Variants in KYAT1 observed in about 807,000 individuals in gnomAD.
The protein encoded by KYAT1 is kynurenine--oxoglutarate transaminase 1.
A neutral mutation model predicts 52.4 loss-of-function variants in KYAT1; 47 were observed. The ratio of observed to expected loss-of-function variants is 0.90; its 90% CI spans 0.71 to 1.14. The LOEUF (loss-of-function observed/expected upper bound fraction) is 1.14, where lower values mean the gene tolerates loss of function less well. Ranked by LOEUF, KYAT1 falls within the 50% of genes most tolerant of loss-of-function variation. The pLI is 0.00. For synonymous variants in KYAT1, 212 were observed against 209.6 expected (o/e 1.01, Z -0.10); for missense variants, 480 against 557.9 (o/e 0.86, Z 1.41).
chr9:128,879,093 A>G (rs912719757), intron 1 of KYAT1, among the ~76,000 whole-genome samples: 4 of 152,258 alleles, frequency 2.6e-5, no homozygotes, highest in East Asian at 1.9e-4. Flanking sequence ...GGCGGATCAC[A>G]AGGTCAGGAG....
At position 128,835,362 on chromosome 9, in the gene KYAT1, G is replaced by C. The variant is rs1830858368; in HGVS notation, c.1083C>G (p.Pro361=). 8 of 1,614,016 alleles carry C rather than the reference G, an allele frequency of 5.0e-6. No individual in the cohort carries two copies. The highest frequency in any genetic ancestry group is 1.7e-5 in the Admixed American group (1 of 60,004). ...MPDLPGAVDE[P]YDRRFVKWMI... is the part of the protein sequence containing the mutation. ...TCCACTTGACGAAGCGTCTGTCATA[G>C]GGCTCATCCACAGCTCCAGGCAAGT... The change falls in exon 11 of 13, where the codon CCC becomes CCG. Residue 361 remains proline (P), a synonymous_variant. Transcript: ENST00000302586.
chr9:128,868,349 C>T (rs1366906571), intron 1 of KYAT1, among the ~76,000 whole-genome samples: 7 of 151,698 alleles, frequency 4.6e-5, no homozygotes, highest in South Asian at 2.1e-4. Context: ...TGATTACAGG[C>T]GTGAGCCATC....
intron 12 of KYAT1, 24 bp from the exon 13 acceptor site, chr9:128,833,667 A>C: frequency 6.2e-7 from 1 of 1,614,124 alleles, no homozygotes; most frequent in South Asian, 1.1e-5. Context: ...GATTAGTCCT[A>C]CACTCTCCCC....
chr9:128,845,561 G>GCAGAAACC, intron 1 of KYAT1, 150 bp from the exon 2 acceptor site: 1 of 695,418 alleles, frequency 1.4e-6, no homozygotes, highest in Non-Finnish European at 2.4e-6. Context: ...AGAAGGGCAG[G>GCAGAAACC]TTTCTGCCTG....
rs553436878 is a variant in KYAT1, at chr9:128,869,413, G to A, written c.-7+12484C>T. ...CCTGACCTCATGATCTGCCCGCCTC[G>A]GCCTCCCAAAGTGCTGGGATTACTG... On this transcript the variant is annotated intron_variant, in intron 1 of 12. Coordinates refer to ENST00000302586, the MANE Select transcript of KYAT1 (RefSeq NM_004059.5). Among the ~76,000 whole-genome samples the A allele has an allele frequency of 2.1e-3, 318 of 152,120 alleles. 2 individuals are homozygous for A. The highest frequency in any genetic ancestry group is 3.8e-3 in the Non-Finnish European group (261 of 68,004).
intron 1 of KYAT1, chr9:128,846,926 CT>C: frequency 7.3e-7 from 1 of 1,368,314 alleles, no homozygotes; most frequent in Non-Finnish European, 9.9e-7. Flanking sequence ...TCCCACTGCA[CT>C]CTCACTAGAG....
At chr9:128,842,391 C>T (rs978908729) in intron 3 of KYAT1, among the ~76,000 whole-genome samples, 2 of 152,192 alleles carry the variant, frequency 1.3e-5, no homozygotes, top group African/African-American at 4.8e-5. Flanking sequence ...TTCATTCCCT[C>T]TTTCTTACTC....
At chr9:128,873,442 C>T (rs1837526897) in intron 1 of KYAT1, among the ~76,000 whole-genome samples, 1 of 150,892 alleles carries the variant, frequency 6.6e-6, no homozygotes, top group South Asian at 2.1e-4. Flanking sequence ...CGTTTTCTTT[C>T]GTTATAAAAG....
intron 1 of KYAT1, among the ~76,000 whole-genome samples, chr9:128,872,096 G>A (rs1320888895): frequency 7.1e-6 from 1 of 141,496 alleles, no homozygotes; most frequent in African/African-American, 2.6e-5. Context: ...CCACTGCACG[G>A]CAGCCTGGGC....
chr9:128,850,377 C>G (rs1833792176), intron 1 of KYAT1, among the ~76,000 whole-genome samples: 1 of 152,186 alleles, frequency 6.6e-6, no homozygotes, highest in Non-Finnish European at 1.5e-5. Context: ...AGCCACTTTG[C>G]CCTAACTTTG....
chr9:128,880,689 G>A (rs1262082696), intron 1 of KYAT1, among the ~76,000 whole-genome samples: 1 of 151,978 alleles, frequency 6.6e-6, no homozygotes, highest in East Asian at 1.9e-4. Flanking sequence ...TGATCCGCCC[G>A]CCTCAGCCTC....
upstream of KYAT1, chr9:128,882,034 G>C (rs1037394818): frequency 1.5e-4 from 23 of 152,244 alleles, no homozygotes; most frequent in East Asian, 1.9e-4. Context: ...AGGCGAGAGC[G>C]GGAGAAAGCG....
chr9:128,853,723 G>A (rs772860863), intron 1 of KYAT1, among the ~76,000 whole-genome samples: 5 of 152,116 alleles, frequency 3.3e-5, no homozygotes, highest in South Asian at 2.1e-4. Flanking sequence ...TAAAAACTTC[G>A]TGCCTTGACT....
chr9:128,852,250 G>C (rs76860303), intron 1 of KYAT1, among the ~76,000 whole-genome samples: 2 of 152,064 alleles, frequency 1.3e-5, no homozygotes, highest in African/African-American at 4.8e-5. Flanking sequence ...ACAACCCATG[G>C]GTGCTCTCCA....
intron 1 of KYAT1, among the ~76,000 whole-genome samples, chr9:128,858,728 C>G (rs1835029775): frequency 6.6e-6 from 1 of 151,592 alleles, no homozygotes; most frequent in South Asian, 2.1e-4. Flanking sequence ...ATGTTTTAGG[C>G]CAGGCCCGGT....
chr9:128,861,516 G>A (rs1451330853), intron 1 of KYAT1, among the ~76,000 whole-genome samples: 2 of 152,186 alleles, frequency 1.3e-5, no homozygotes, highest in Admixed American at 6.5e-5. Flanking sequence ...CCAGTCTTGC[G>A]CAGTTCTTTA....
intron 1 of KYAT1, among the ~76,000 whole-genome samples, chr9:128,869,457 G>A (rs1331045834): frequency 6.6e-6 from 1 of 152,144 alleles, no homozygotes; most frequent in East Asian, 1.9e-4. Flanking sequence ...CACCGTACCC[G>A]GCACCAAGCC....
At chr9:128,863,728 T>C (rs1835782813) in intron 1 of KYAT1, among the ~76,000 whole-genome samples, 2 of 152,084 alleles carry the variant, frequency 1.3e-5, no homozygotes, top group South Asian at 4.1e-4. Context: ...GTGGGTGTGT[T>C]ATTCCCGAGT....
At chr9:128,872,045 CT>C (rs1256740205) in intron 1 of KYAT1, among the ~76,000 whole-genome samples, 1 of 149,996 alleles carries the variant, frequency 6.7e-6, no homozygotes, top group Non-Finnish European at 1.5e-5. Flanking sequence ...AGGAGAATCA[CT>C]TGAACTGGGA....
Sources: allele counts gnomAD v4.1 joint callset (sites outside exome capture counted in the v4.1 genomes callset), GRCh38; gene constraint gnomAD v4.1.1; transcripts MANE v1.5; gene names NCBI Gene and HGNC (gene_info 2026-07-23, HGNC 2026-07-21).